The following ASTN2 variants were observed in gnomAD, a reference collection of about 807,000 sequenced individuals.
ASTN2 encodes astrotactin 2.
ASTN2 carries 54 observed loss-of-function variants against 139.8 expected under a neutral mutation model. That is an observed-to-expected ratio of 0.39 (90% CI 0.31 to 0.48). The LOEUF (loss-of-function observed/expected upper bound fraction) is 0.48. ASTN2 is among the 20% of genes least tolerant of loss of function. The probability of loss-of-function intolerance (pLI) is 0.95; values close to 1 mark genes in which losing one functional copy is unlikely to be tolerated. For synonymous variants in ASTN2, 756 were observed against 719.5 expected, an observed-to-expected ratio of 1.05 and a Z score of -0.81; for missense variants, 1,565 against 1,725.1, an observed-to-expected ratio of 0.91 and a Z score of 1.64.
At chr9:116,931,270 C>T (rs145646392) in intron 10 of ASTN2, among the ~76,000 whole-genome samples, 13 of 152,236 alleles carry the variant, frequency 8.5e-5, no homozygotes, top group East Asian at 3.9e-4. Flanking sequence ...CCTATCCCTT[C>T]GAGCCTATTC....
At chr9:117,258,361 C>A (rs1288874136) in intron 2 of ASTN2, among the ~76,000 whole-genome samples, 3 of 152,154 alleles carry the variant, frequency 2.0e-5, no homozygotes, top group Non-Finnish European at 4.4e-5. Flanking sequence ...CAAATTGTTA[C>A]CACGCAGCTC....
chr9:117,324,472 G>T (rs1419716721), intron 1 of ASTN2, among the ~76,000 whole-genome samples: 1 of 152,132 alleles, frequency 6.6e-6, no homozygotes, highest in Admixed American at 6.5e-5. Flanking sequence ...GAGTGAAAGA[G>T]GGACTTGCCA....
At chr9:116,511,872 C>A (rs141682213) in intron 19 of ASTN2, among the ~76,000 whole-genome samples, 1 of 151,828 alleles carries the variant, frequency 6.6e-6, no homozygotes, top group African/African-American at 2.4e-5. Context: ...TTTTTTATTG[C>A]GTCTATTTGA....
chr9:116,704,319 C>A (rs1244733544), intron 16 of ASTN2, among the ~76,000 whole-genome samples: 1 of 136,574 alleles, frequency 7.3e-6, no homozygotes, highest in Non-Finnish European at 1.6e-5. Flanking sequence ...GTTTTGTTTA[C>A]ATTAGAATAG....
intron 10 of ASTN2, among the ~76,000 whole-genome samples, chr9:116,952,395 A>C (rs1001261747): frequency 6.6e-6 from 1 of 152,184 alleles, no homozygotes; most frequent in African/African-American, 2.4e-5. Flanking sequence ...TTGGCTTAGA[A>C]GCTCTTGGGG....
rs1281556167 is a variant in ASTN2 at position 116,698,246 on chromosome 9, A to G, written c.2806+27525T>C. On this transcript the variant is annotated intron_variant, in intron 16 of 22. Coordinates refer to ENST00000313400, the MANE Select transcript of ASTN2 (RefSeq NM_001365068.1). The surrounding 1 kb of genome is among the most constrained non-coding windows in gnomAD (Gnocchi z 4.4). Reference sequence around the variant, plus strand: ...TGGGGGAGCTGCAGCGGCGGAAGGCAGCCTTGGAAGGTGTCTCCAAGGACC... The same window carrying G: ...TGGGGGAGCTGCAGCGGCGGAAGGCGGCCTTGGAAGGTGTCTCCAAGGACC... 1 of 1,614,144 alleles carries G rather than the reference A, an allele frequency of 6.2e-7. No homozygotes were observed. The highest frequency in any genetic ancestry group is 8.5e-7 in the Non-Finnish European group (1 of 1,180,030).
intron 12 of ASTN2, 31 bp downstream of exon 12, chr9:116,820,586 G>A (rs899534130): frequency 6.2e-7 from 1 of 1,603,278 alleles, no homozygotes; most frequent in Non-Finnish European, 8.5e-7. Flanking sequence ...TCTGTAAATG[G>A]GGCACCTGGG....
At chr9:117,339,651 C>T (rs995367070) in intron 1 of ASTN2, among the ~76,000 whole-genome samples, 11 of 152,116 alleles carry the variant, frequency 7.2e-5, no homozygotes, top group African/African-American at 1.9e-4. Context: ...TAATGTCAGG[C>T]CTCTCATGTT....
chr9:116,899,211 T>G (rs1431321988), intron 10 of ASTN2, among the ~76,000 whole-genome samples: 3 of 151,890 alleles, frequency 2.0e-5, no homozygotes, highest in Non-Finnish European at 2.9e-5. Context: ...CACTAGGGGG[T>G]CTTATCAAAG....
chr9:116,442,959 T>C (rs953045464), intron 20 of ASTN2, among the ~76,000 whole-genome samples: 1 of 152,156 alleles, frequency 6.6e-6, no homozygotes, highest in Non-Finnish European at 1.5e-5. Context: ...TTATTGAGCA[T>C]TTACTGCACA....
chr9:117,116,657 C>A (rs969273172), intron 4 of ASTN2, among the ~76,000 whole-genome samples: 1 of 150,228 alleles, frequency 6.7e-6, no homozygotes, highest in African/African-American at 2.5e-5. Flanking sequence ...GGAAGCTTTG[C>A]TCCAAAGTCC....
At chr9:116,638,049 A>C (rs541567441) in intron 17 of ASTN2, among the ~76,000 whole-genome samples, 2 of 152,212 alleles carry the variant, frequency 1.3e-5, no homozygotes, top group Non-Finnish European at 2.9e-5. Flanking sequence ...AAGCTCTTGC[A>C]GGATATAGGA....
chr9:117,356,551 C>T (rs1409699444), intron 1 of ASTN2, among the ~76,000 whole-genome samples: 1 of 152,174 alleles, frequency 6.6e-6, no homozygotes, highest in Admixed American at 6.5e-5. Flanking sequence ...AAGAAGTATG[C>T]CAGCACTGGC....
chr9:116,903,441 A>G (rs1834072076), intron 10 of ASTN2, among the ~76,000 whole-genome samples: 1 of 152,180 alleles, frequency 6.6e-6, no homozygotes, highest in Admixed American at 6.5e-5. Context: ...AGTATCTCCC[A>G]TCTCACACGT....
chr9:117,124,801 C>A (rs1304846155), intron 4 of ASTN2, among the ~76,000 whole-genome samples: 1 of 131,668 alleles, frequency 7.6e-6, no homozygotes, highest in Non-Finnish European at 1.7e-5. Context: ...CGAGACCCTG[C>A]CACCATGAAA....
At chr9:116,854,689 T>TC (rs1334473193) in intron 11 of ASTN2, among the ~76,000 whole-genome samples, 2 of 149,854 alleles carry the variant, frequency 1.3e-5, no homozygotes, top group Non-Finnish European at 3.0e-5. Context: ...TCTCCCTCTG[T>TC]CCCCCAGGCT....
At position 116,859,006 on chromosome 9, in the gene ASTN2, G is replaced by A. The variant is rs371596487; in HGVS notation, c.2040+4577C>T. ...TGGCAGGGTTGCATTCCTTTCTGGA[G>A]GTTCCAGAGGTAAGTCTTTCTCTTT... is the stretch of plus-strand genomic sequence containing the variant. On this transcript the variant is annotated intron_variant, in intron 11 of 22. Transcript: ENST00000313400. Among the ~76,000 whole-genome samples, 37 of 152,274 alleles carry A rather than the reference G, an allele frequency of 2.4e-4. No homozygotes were observed. The East Asian group carries it at 3.3e-3, about 13-fold the overall frequency.
chr9:116,915,985 C>T (rs113951184), intron 10 of ASTN2, among the ~76,000 whole-genome samples: 1 of 152,240 alleles, frequency 6.6e-6, no homozygotes, highest in African/African-American at 2.4e-5. Flanking sequence ...GAAGTGAGGG[C>T]AGTCTTCTGG....
chr9:116,524,714 C>A (rs1330419675), intron 19 of ASTN2, among the ~76,000 whole-genome samples: 2 of 152,174 alleles, frequency 1.3e-5, no homozygotes, highest in East Asian at 3.9e-4. Flanking sequence ...TAGTACCTTT[C>A]TGATCTGCTG....
Sources: allele counts gnomAD v4.1 joint callset (sites outside exome capture counted in the v4.1 genomes callset), GRCh38; gene constraint gnomAD v4.1.1; non-coding constraint Gnocchi (gnomAD v3.1); transcripts MANE v1.5; gene names NCBI Gene and HGNC (gene_info 2026-07-23, HGNC 2026-07-21).